Variants in FOCAD observed in about 807,000 individuals in gnomAD.
The protein encoded by FOCAD is focadhesin.
Under a neutral mutation model 225.6 loss-of-function variants are expected in FOCAD, and 198 were observed. The observed-to-expected ratio is 0.88, with a 90% CI of 0.78 to 0.99. The LOEUF is 0.99. FOCAD is among the 50% of genes least tolerant of loss of function. The pLI is 0.00. For synonymous variants in FOCAD, 897 were observed against 755.0 expected, an observed-to-expected ratio of 1.19 and a Z score of -3.08; for missense variants, 2,713 against 2,123.6, an observed-to-expected ratio of 1.28 and a Z score of -5.46.
rs185524331 is a variant in FOCAD, at chr9:20,663,274, C to T, written c.-78+4448C>T. On this transcript the variant is annotated intron_variant, in intron 2 of 45. Transcript: ENST00000380249. ...AGACATGGTGGCACATGTCTGTATT[C>T]CTGAGCTCAGGAGTTTGAGGTTACA... 4.5e-4 allele frequency among the ~76,000 whole-genome samples: 68 copies of T among 152,078 alleles called. 1 individual carries two copies. Among genetic ancestry groups the T allele is most frequent in the African/African-American group, 1.6e-3 (66 of 41,462 alleles).
intron 4 of FOCAD, among the ~76,000 whole-genome samples, chr9:20,730,272 A>C (rs899548399): frequency 1.3e-5 from 2 of 152,136 alleles, no homozygotes; most frequent in Non-Finnish European, 2.9e-5. Context: ...GTGACATTCT[A>C]ATTCTATGTT....
At chr9:20,911,007 C>A (rs544429520) in intron 22 of FOCAD, among the ~76,000 whole-genome samples, 1 of 151,990 alleles carries the variant, frequency 6.6e-6, no homozygotes, top group African/African-American at 2.4e-5. Context: ...TATCTTTAAA[C>A]GGATTTTTAA....
At chr9:20,804,126 T>C (rs975107145) in intron 11 of FOCAD, among the ~76,000 whole-genome samples, 1 of 152,102 alleles carries the variant, frequency 6.6e-6, no homozygotes, top group Admixed American at 6.5e-5. Context: ...CCACTTTAAA[T>C]TTTTTTTGTG....
At chr9:20,712,193 A>G (rs1824905095) in intron 1 of FOCAD, among the ~76,000 whole-genome samples, 1 of 152,214 alleles carries the variant, frequency 6.6e-6, no homozygotes, top group Non-Finnish European at 1.5e-5. Flanking sequence ...TGAGGCATCT[A>G]AAACTTAACT....
intron 35 of FOCAD, among the ~76,000 whole-genome samples, chr9:20,962,491 C>A (rs1032869653): frequency 2.0e-5 from 3 of 151,548 alleles, no homozygotes; most frequent in Non-Finnish European, 4.4e-5. Context: ...CTATAAGCAG[C>A]ATTTAGCTGG....
intron 35 of FOCAD, among the ~76,000 whole-genome samples, chr9:20,969,802 A>G (rs183669395): frequency 2.4e-3 from 369 of 151,594 alleles, no homozygotes; most frequent in Middle Eastern, 0.01. Flanking sequence ...TTCTTTGTAT[A>G]GCTTCAAATT....
intron 4 of FOCAD, among the ~76,000 whole-genome samples, chr9:20,730,100 A>T (rs977289420): frequency 2.0e-5 from 3 of 152,156 alleles, no homozygotes; most frequent in African/African-American, 7.2e-5. Flanking sequence ...TCCCCACTTA[A>T]GTCTCAAAAC....
At chr9:20,993,180 T>A in intron 42 of FOCAD, 73 bp from the exon 43 acceptor site, 3 of 1,265,936 alleles carry the variant, frequency 2.4e-6, no homozygotes, top group Non-Finnish European at 3.4e-6. Context: ...TATATATAGG[T>A]CCAAGGGAAT....
At chr9:20,744,883 A>G (rs1273134534) in intron 5 of FOCAD, among the ~76,000 whole-genome samples, 1 of 152,234 alleles carries the variant, frequency 6.6e-6, no homozygotes, top group Non-Finnish European at 1.5e-5. Flanking sequence ...ACATCTGCTC[A>G]CAAGATGCAA....
At position 20,866,917 on chromosome 9, in the gene FOCAD, T is replaced by TTTTAAAAAATAA; in HGVS notation, c.2107-12_2107-11insTTTAAAAAATAA. 2 of 764,972 alleles carry TTTTAAAAAATAA rather than the reference T, an allele frequency of 2.6e-6. No individual in the cohort carries two copies. Among genetic ancestry groups the TTTTAAAAAATAA allele is most frequent in the Non-Finnish European group, 4.0e-6 (2 of 498,468 alleles). 47.4% of individuals were successfully genotyped at this position (764,972 alleles called of 1,614,324 possible). A position where few individuals can be genotyped will look rare whatever the true frequency, so the allele number is the denominator to read the frequency against. ...TTTTTTTTTTTTTTTTTTTTTTTTT[T>TTTTAAAAAATAA]ACCCTATCTAGGACCCAATTGTAGC... On this transcript the variant is annotated splice_polypyrimidine_tract_variant and intron_variant, in intron 17 of 43. Transcript: ENST00000338382.
At chr9:20,916,287 G>A (rs1833857374) in intron 23 of FOCAD, among the ~76,000 whole-genome samples, 1 of 152,088 alleles carries the variant, frequency 6.6e-6, no homozygotes, top group African/African-American at 2.4e-5. Context: ...ATTAGGTTCT[G>A]TAAATATTTG....
intron 18 of FOCAD, chr9:20,874,059 A>G (rs1409892784): frequency 6.6e-6 from 1 of 152,220 alleles, no homozygotes; most frequent in African/African-American, 2.4e-5. Context: ...AACCTAACTA[A>G]TCAAAGAGCA....
intron 2 of FOCAD, among the ~76,000 whole-genome samples, chr9:20,671,854 T>C (rs72701967): frequency 2.2e-4 from 34 of 152,342 alleles, no homozygotes; most frequent in Non-Finnish European, 2.5e-4. Flanking sequence ...TGCCGCTGGC[T>C]TGTACAGGCT....
At chr9:20,986,266 A>ATTTTTTTTTTTTTTTTGTTTTTTTTTTTT in intron 39 of FOCAD, 22 bp from the exon 40 acceptor site, 1 of 705,686 alleles carries the variant, frequency 1.4e-6, no homozygotes, top group Non-Finnish European at 1.8e-6. Flanking sequence ...TAACTAAACA[A>ATTTTTTTTTTTTTTTTGTTTTTTTTTTTT]TTTTTTTTTT....
chr9:20,950,026 C>T (rs527886583), intron 33 of FOCAD, among the ~76,000 whole-genome samples: 21 of 152,076 alleles, frequency 1.4e-4, no homozygotes, highest in African/African-American at 4.6e-4. Flanking sequence ...TCAAGAGGCA[C>T]TAATTCAGAT....
At chr9:20,817,001 A>T (rs1012704845) in intron 11 of FOCAD, among the ~76,000 whole-genome samples, 1 of 152,110 alleles carries the variant, frequency 6.6e-6, no homozygotes, top group Non-Finnish European at 1.5e-5. Context: ...TATCCATGGA[A>T]TGAGGTGTGC....
At position 20,766,348 on chromosome 9, in the gene FOCAD, G is replaced by C. The variant is rs538935938; in HGVS notation, c.699+1275G>C. 6.6e-5 allele frequency among the ~76,000 whole-genome samples: 10 copies of C among 152,302 alleles called. No homozygotes were observed. In the South Asian group the frequency reaches 1.0e-3, roughly 16 times the overall value. ...CAAATCAGCTTTATTAGAATGAAGCGTGTGAGGGTTGGACGTGGTCTTAGA... is the reference window on the plus strand; with the variant it reads ...CAAATCAGCTTTATTAGAATGAAGCCTGTGAGGGTTGGACGTGGTCTTAGA... On this transcript the variant is annotated intron_variant, in intron 7 of 43. Coordinates refer to ENST00000338382, the MANE Select transcript of FOCAD (RefSeq NM_001375567.1).
chr9:20,770,104 C>T lies in FOCAD; in HGVS notation c.772C>T (p.Pro258Ser). The T allele has an allele frequency of 6.2e-7, 1 of 1,614,064 alleles. No individual in the cohort carries two copies. The highest frequency in any genetic ancestry group is 8.5e-7 in the Non-Finnish European group (1 of 1,179,998). The change falls in exon 8 of 44, where the codon CCT (proline) becomes TCT (serine). Residue 258 changes from proline to serine, a missense_variant. By Grantham distance (74) the Pro-to-Ser change is moderately conservative (BLOSUM62 -1). Transcript: ENST00000338382. ...EEVCLSLLRH[P>S]VFWKIQLTQM... ...AGTATGTTTAAGCCTTTTGCGTCATCCTGTTTTCTGGAAAATTCAGCTTAC... is the reference window on the plus strand; with the variant it reads ...AGTATGTTTAAGCCTTTTGCGTCATTCTGTTTTCTGGAAAATTCAGCTTAC...
At chr9:20,898,683 C>T (rs545113704) in intron 21 of FOCAD, among the ~76,000 whole-genome samples, 2 of 151,906 alleles carry the variant, frequency 1.3e-5, no homozygotes, top group East Asian at 1.9e-4. Context: ...TTTAAATTCC[C>T]GGTCTGTTAA....
Sources: gnomAD v4.1 joint callset for allele counts (sites outside exome capture counted in the v4.1 genomes callset) on GRCh38, gnomAD v4.1.1 for gene constraint, MANE v1.5 for transcripts, NCBI Gene and HGNC (gene_info 2026-07-23, HGNC 2026-07-21) for gene names.